The following CA2 variants were observed in gnomAD, a reference collection of about 807,000 sequenced individuals.
The protein encoded by CA2 is carbonate dehydratase II.
Under a neutral mutation model 27.8 loss-of-function variants are expected in CA2, and 23 were observed. That is an observed-to-expected ratio of 0.83 (90% CI 0.59 to 1.17). The LOEUF (loss-of-function observed/expected upper bound fraction) is 1.17, where lower values mean the gene tolerates loss of function less well. Ranked by LOEUF, CA2 falls within the 50% of genes most tolerant of loss-of-function variation. CA2 has a pLI of 0.00. For synonymous variants in CA2, 99 were observed against 114.9 expected (o/e 0.86, Z 0.88); for missense variants, 300 against 314.7 (o/e 0.95, Z 0.35).
At chr8:85,468,458 A>T (rs910893940) in intron 2 of CA2, among the ~76,000 whole-genome samples, 4 of 152,218 alleles carry the variant, frequency 2.6e-5, no homozygotes, top group African/African-American at 4.8e-5. Flanking sequence ...ATAAATTTTT[A>T]AAAATCATAC....
intron 2 of CA2, among the ~76,000 whole-genome samples, chr8:85,471,640 G>A (rs1030860122): frequency 5.9e-5 from 9 of 151,960 alleles, no homozygotes; most frequent in Non-Finnish European, 1.3e-4. Context: ...TAGTTAGTTA[G>A]TTTTACCACT....
rs33928115 is a variant in CA2 at position 85,466,679 on chromosome 8, T to TACACAC, written c.232+1231_232+1236dup. Among the ~76,000 whole-genome samples the TACACAC allele has an allele frequency of 1.7e-3, 256 of 149,052 alleles. 1 individual carries two copies. The highest frequency in any genetic ancestry group is 6.0e-3 in the African/African-American group (242 of 40,522). Reference sequence around the variant, plus strand: ...CCCAGTACACACATACATACATACATACACACACACACACACACACACACA... The same window carrying TACACAC: ...CCCAGTACACACATACATACATACATACACACACACACACACACACACACACACACA... On this transcript the variant is annotated intron_variant, in intron 2 of 6. Coordinates refer to ENST00000285379, the MANE Select transcript of CA2 (RefSeq NM_000067.3).
intron 4 of CA2, among the ~76,000 whole-genome samples, chr8:85,475,418 G>T (rs1174968903): frequency 6.8e-6 from 1 of 147,510 alleles, no homozygotes; most frequent in Non-Finnish European, 1.5e-5. Context: ...GAGAGATTTG[G>T]GTTGCTGGAA....
intron 1 of CA2, 69 bp from the exon 2 acceptor site, chr8:85,465,203 T>A: frequency 5.5e-6 from 7 of 1,283,256 alleles, no homozygotes; most frequent in Non-Finnish European, 7.9e-6. Flanking sequence ...CCGGAATGAT[T>A]GCTCTTCTCT....
Position 85,478,305 on chromosome 8 carries a change from T to C in CA2, c.663+1030T>C, listed in dbSNP as rs149467978. On this transcript the variant is annotated intron_variant, in intron 6 of 6. Coordinates refer to ENST00000285379, the MANE Select transcript of CA2 (RefSeq NM_000067.3). ...AGGAAATATGTATCTGACTGGAAAA[T>C]TACTTGTAGCATATCAAAGTGGGCC... 3.9e-5 allele frequency among the ~76,000 whole-genome samples: 6 copies of C among 152,316 alleles called. No individual in the cohort carries two copies. The East Asian group carries it at 1.2e-3, about 29-fold the overall frequency.
At chr8:85,465,527 T>C in intron 2 of CA2, 58 bp downstream of exon 2, 1 of 1,392,278 alleles carries the variant, frequency 7.2e-7, no homozygotes, top group East Asian at 2.4e-5. Context: ...CCGAGCTTAA[T>C]GGAAGGAGCC....
chr8:85,475,710 G>T, intron 4 of CA2, 88 bp from the exon 5 acceptor site: 1 of 1,217,932 alleles, frequency 8.2e-7, no homozygotes. Flanking sequence ...CTATTTGGAT[G>T]TTTTCTAATA....
At position 85,474,405 on chromosome 8, in the gene CA2, A is replaced by AT. The variant is rs763603775; in HGVS notation, c.440dup (p.Leu147PhefsTer7). The AT allele has an allele frequency of 4.3e-6, 7 of 1,612,704 alleles. No homozygotes were observed. The South Asian group carries it at 6.6e-5, about 15-fold the overall frequency. On this transcript the variant is annotated frameshift_variant, in exon 4 of 7. Coordinates refer to ENST00000285379, the MANE Select transcript of CA2 (RefSeq NM_000067.3). LOFTEE classifies it high-confidence loss of function. The stretch of plus-strand genomic sequence containing the variant: ...ACCTGATGGACTGGCCGTTCTAGGT[A>AT]TTTTTTTGAAGGTTAGTTGATGACC...
At chr8:85,466,139 A>G (rs1811626279) in intron 2 of CA2, among the ~76,000 whole-genome samples, 1 of 150,750 alleles carries the variant, frequency 6.6e-6, no homozygotes, top group Non-Finnish European at 1.5e-5. Context: ...AAAAAAAAAA[A>G]AAAAAGAAAG....
chr8:85,479,860 G>T (rs985907356), intron 6 of CA2, among the ~76,000 whole-genome samples: 2 of 152,142 alleles, frequency 1.3e-5, no homozygotes, highest in African/African-American at 4.8e-5. Context: ...ATCAGCCTAG[G>T]CAAATTCATT....
In CA2 at chr8:85,480,825, T is replaced by C; in HGVS notation, c.*36T>C. On this transcript the variant is annotated 3_prime_UTR_variant, in exon 7 of 7. Transcript: ENST00000285379. ...TAGTCTGTATCCAAATAATGAATCT[T>C]CGGGTGTTTCCCTTTAGCTAAGCAC... is the stretch of plus-strand genomic sequence containing the variant. 2 of 1,611,182 alleles carry C rather than the reference T, an allele frequency of 1.2e-6. No homozygotes were observed. The highest frequency in any genetic ancestry group is 1.7e-6 in the Non-Finnish European group (2 of 1,177,866).
chr8:85,475,371 TAAAAAAAAAAAA>T (rs3070396), intron 4 of CA2, among the ~76,000 whole-genome samples: 1 of 41,362 alleles, frequency 2.4e-5, no homozygotes, highest in Non-Finnish European at 3.8e-5. Context: ...ACTCTGACTC[TAAAAAAAAAAAA>T]AAAAAAAAAA....
chr8:85,480,967 G>T lies in CA2; in HGVS notation c.*178G>T. 1 of 650,180 alleles carries T rather than the reference G, an allele frequency of 1.5e-6. No homozygotes were observed. The highest frequency in any genetic ancestry group is 2.7e-6 in the Non-Finnish European group (1 of 369,382). 40.3% of individuals were successfully genotyped at this position (650,180 alleles called of 1,614,324 possible). On this transcript the variant is annotated 3_prime_UTR_variant, in exon 7 of 7. Transcript: ENST00000285379. ...GAAGACTAGACCAATTGTCATGCTT[G>T]ACACAACTGCTGTGGCTGGTTGGTG...
chr8:85,464,337 G>A (rs1179630660), intron 1 of CA2: 1 of 458,774 alleles, frequency 2.2e-6, no homozygotes, highest in East Asian at 3.8e-5. Flanking sequence ...GGCCACTGTG[G>A]AGGAATCCCC....
chr8:85,475,877 T>A lies in CA2; in HGVS notation c.507+17T>A. 1 of 1,608,424 alleles carries A rather than the reference T, an allele frequency of 6.2e-7. No homozygotes were observed. The highest frequency in any genetic ancestry group is 8.5e-7 in the Non-Finnish European group (1 of 1,174,998). On this transcript the variant is annotated intron_variant, in intron 5 of 6. Coordinates refer to ENST00000285379, the MANE Select transcript of CA2 (RefSeq NM_000067.3). Reference sequence around the variant, plus strand: ...AAAACAAAGGTAAATTTGAATTTTCTGCCACCTCCTTAGGGTACCAATTTT... The same window carrying A: ...AAAACAAAGGTAAATTTGAATTTTCAGCCACCTCCTTAGGGTACCAATTTT...
intron 5 of CA2, among the ~76,000 whole-genome samples, 150 bp from the exon 6 acceptor site, chr8:85,476,965 TCTTTA>T (rs1211217825): frequency 6.6e-6 from 1 of 152,168 alleles, no homozygotes; most frequent in Non-Finnish European, 1.5e-5. Context: ...TGTTAATTTC[TCTTTA>T]TTTTGTTTGC....
At chr8:85,474,614 C>T (rs2130559758) in intron 4 of CA2, 198 bp downstream of exon 4, 1 of 604,692 alleles carries the variant, frequency 1.7e-6, no homozygotes, top group Non-Finnish European at 2.9e-6. Flanking sequence ...AGGAGAGGTA[C>T]TTATTTGGTA....
chr8:85,480,974 C>T lies in CA2; in HGVS notation c.*185C>T. The stretch of plus-strand genomic sequence containing the variant: ...AGACCAATTGTCATGCTTGACACAA[C>T]TGCTGTGGCTGGTTGGTGCTTTGTT... On this transcript the variant is annotated 3_prime_UTR_variant, in exon 7 of 7. Transcript: ENST00000285379. 1.6e-6 allele frequency: 1 copy of T among 622,780 alleles called. No homozygotes were observed. Among genetic ancestry groups the T allele is most frequent in the Non-Finnish European group, 2.8e-6 (1 of 352,164 alleles). 38.6% of individuals were successfully genotyped at this position (622,780 alleles called of 1,614,324 possible). A position where few individuals can be genotyped will look rare whatever the true frequency, so the allele number is the denominator to read the frequency against.
chr8:85,474,443 T>A (rs1205652865), intron 4 of CA2, 27 bp downstream of exon 4: 15 of 1,480,654 alleles, frequency 1.0e-5, no homozygotes, highest in Non-Finnish European at 1.4e-5. Context: ...ATTCTTTTTT[T>A]TCCCTATTTT....
Sources: gnomAD v4.1 joint callset for allele counts (sites outside exome capture counted in the v4.1 genomes callset) on GRCh38, gnomAD v4.1.1 for gene constraint, MANE v1.5 for transcripts, NCBI Gene and HGNC (gene_info 2026-07-23, HGNC 2026-07-21) for gene names.